The following PACSIN2 variants were observed in gnomAD, a reference collection of about 807,000 sequenced individuals.
PACSIN2 encodes protein kinase C and casein kinase substrate in neurons protein 2.
A neutral mutation model predicts 63.8 loss-of-function variants in PACSIN2; 25 were observed. That is an observed-to-expected ratio of 0.39 (90% CI 0.29 to 0.55). The LOEUF is 0.55. Ranked by LOEUF, PACSIN2 falls within the 20% of genes least tolerant of loss-of-function variation. The probability of loss-of-function intolerance (pLI) is 0.62; values close to 1 mark genes in which losing one functional copy is unlikely to be tolerated. For missense variants in PACSIN2, 518 were observed against 646.9 expected, an observed-to-expected ratio of 0.80 and a Z score of 2.16; for synonymous variants, 255 against 256.2, an observed-to-expected ratio of 1.00 and a Z score of 0.05.
intron 1 of PACSIN2, among the ~76,000 whole-genome samples, chr22:42,986,849 T>C (rs1922652276): frequency 6.6e-6 from 1 of 152,120 alleles, no homozygotes. Context: ...AAAAAAACCT[T>C]CCCGAAACCT....
intron 5 of PACSIN2, among the ~76,000 whole-genome samples, chr22:42,887,778 C>T (rs1027456243): frequency 2.0e-5 from 3 of 152,164 alleles, no homozygotes; most frequent in Admixed American, 6.5e-5. Context: ...TCTACACCTG[C>T]GGAGCATGTA....
chr22:43,008,332 C>T (rs777892356), intron 1 of PACSIN2, among the ~76,000 whole-genome samples: 4 of 152,070 alleles, frequency 2.6e-5, no homozygotes, highest in Non-Finnish European at 5.9e-5. Flanking sequence ...CTCACTGCAA[C>T]CTCCGCCTCC....
chr22:42,920,009 G>A (rs879582256), intron 1 of PACSIN2, among the ~76,000 whole-genome samples: 2 of 151,926 alleles, frequency 1.3e-5, no homozygotes, highest in Non-Finnish European at 2.9e-5. Flanking sequence ...TCAAGAAGCT[G>A]AGGTGGGAGG....
chr22:42,930,683 C>G (rs1174504701), intron 1 of PACSIN2, among the ~76,000 whole-genome samples: 2 of 152,212 alleles, frequency 1.3e-5, no homozygotes, highest in African/African-American at 4.8e-5. Flanking sequence ...TCCAATTTCT[C>G]AATCTGGTTT....
rs977493445 is a variant in PACSIN2 at position 42,982,953 on chromosome 22, G to A, written c.-78+32068C>T. Among the ~76,000 whole-genome samples, 6 of 150,372 alleles carry A rather than the reference G, an allele frequency of 4.0e-5. No homozygotes were observed. In the East Asian group the frequency reaches 9.9e-4, roughly 25 times the overall value. On this transcript the variant is annotated intron_variant, in intron 1 of 10. Coordinates refer to ENST00000263246, the MANE Select transcript of PACSIN2 (RefSeq NM_001184970.3). ...TCCCAGCACTTGGGAGACTTAGGCA[G>A]GCAGATCACTTGAGGTCACGAGTTC... is the stretch of plus-strand genomic sequence containing the variant.
intron 1 of PACSIN2, among the ~76,000 whole-genome samples, chr22:42,934,198 A>C (rs566675214): frequency 6.6e-6 from 1 of 152,382 alleles, no homozygotes; most frequent in South Asian, 2.1e-4. Context: ...AAACGTGCAG[A>C]GAGCACTGAG....
intron 1 of PACSIN2, among the ~76,000 whole-genome samples, chr22:42,979,473 G>A (rs573888377): frequency 3.8e-5 from 5 of 131,456 alleles, no homozygotes; most frequent in Admixed American, 2.7e-4. Context: ...GCAGTGAGCC[G>A]AGATCATGCC....
At chr22:42,908,819 G>C (rs76812796) in intron 2 of PACSIN2, among the ~76,000 whole-genome samples, 1,604 of 152,054 alleles carry the variant, frequency 0.011, 29 homozygotes, top group African/African-American at 0.036. Context: ...CCCAATTCTT[G>C]GCCCAACCCT....
chr22:43,014,734 C>CG (rs1924768091), intron 1 of PACSIN2, among the ~76,000 whole-genome samples: 1 of 151,878 alleles, frequency 6.6e-6, no homozygotes, highest in Non-Finnish European at 1.5e-5. Flanking sequence ...AAAACTGCCC[C>CG]GCTCCCACAG....
chr22:42,896,434 G>A (rs1930291975), intron 2 of PACSIN2, among the ~76,000 whole-genome samples: 1 of 151,214 alleles, frequency 6.6e-6, no homozygotes, highest in African/African-American at 2.4e-5. Context: ...GTATTCGACT[G>A]TGTAGGTATA....
intron 2 of PACSIN2, among the ~76,000 whole-genome samples, chr22:42,896,771 T>G (rs1930318806): frequency 6.6e-6 from 1 of 152,240 alleles, no homozygotes; most frequent in Non-Finnish European, 1.5e-5. Flanking sequence ...CTCCCAGCAC[T>G]TAGTATTGCC....
intron 1 of PACSIN2, among the ~76,000 whole-genome samples, chr22:43,005,495 G>A (rs1403228858): frequency 6.6e-6 from 1 of 152,188 alleles, no homozygotes; most frequent in East Asian, 1.9e-4. Flanking sequence ...AGAAAGACAG[G>A]CCCTGTAAGT....
intron 1 of PACSIN2, among the ~76,000 whole-genome samples, chr22:42,985,616 C>T (rs975484610): frequency 1.9e-4 from 29 of 152,280 alleles, no homozygotes; most frequent in African/African-American, 6.5e-4. Flanking sequence ...ATTTGCAAAA[C>T]ATAAAGATAA....
intron 1 of PACSIN2, among the ~76,000 whole-genome samples, chr22:43,011,156 G>A (rs1245154231): frequency 6.6e-6 from 1 of 152,194 alleles, no homozygotes; most frequent in Admixed American, 6.5e-5. Context: ...ATACTTTCTG[G>A]TATGTGAGGG....
At chr22:42,981,611 C>T (rs1382467046) in intron 1 of PACSIN2, among the ~76,000 whole-genome samples, 1 of 124,008 alleles carries the variant, frequency 8.1e-6, no homozygotes, top group African/African-American at 3.1e-5. Context: ...AGTGAGGACC[C>T]CTCTGCCCGG....
chr22:42,891,781 T>C (rs923165992), intron 3 of PACSIN2, among the ~76,000 whole-genome samples: 3 of 152,200 alleles, frequency 2.0e-5, no homozygotes, highest in Admixed American at 1.3e-4. Flanking sequence ...TTAATTTACT[T>C]AAAGGTGGCC....
intron 1 of PACSIN2, among the ~76,000 whole-genome samples, chr22:42,941,749 T>G (rs1933170991): frequency 6.6e-6 from 1 of 152,190 alleles, no homozygotes; most frequent in East Asian, 1.9e-4. Context: ...GTCTTCTTAT[T>G]GCTGAGTTTG....
chr22:42,990,055 C>G (rs1351838062), intron 1 of PACSIN2, among the ~76,000 whole-genome samples: 1 of 76,316 alleles, frequency 1.3e-5, no homozygotes, highest in Non-Finnish European at 2.6e-5. Flanking sequence ...TATATATACA[C>G]ACACATATGT....
chr22:43,001,751 G>A (rs190535501), intron 1 of PACSIN2, among the ~76,000 whole-genome samples: 1 of 152,224 alleles, frequency 6.6e-6, no homozygotes, highest in Non-Finnish European at 1.5e-5. Flanking sequence ...CCCACAGTAA[G>A]GCAAGAGAAC....
Sources: allele counts gnomAD v4.1 joint callset (sites outside exome capture counted in the v4.1 genomes callset), GRCh38; gene constraint gnomAD v4.1.1; transcripts MANE v1.5; gene names NCBI Gene and HGNC (gene_info 2026-07-23, HGNC 2026-07-21).